Variants in RGPD1 observed in about 807,000 individuals in gnomAD.
The protein encoded by RGPD1 is RANBP2-like and GRIP domain-containing protein 1.
A neutral mutation model predicts 40.6 loss-of-function variants in RGPD1; 7 were observed. The ratio of observed to expected loss-of-function variants is 0.17; its 90% confidence interval spans 0.10 to 0.32. The LOEUF (loss-of-function observed/expected upper bound fraction) is 0.32, where lower values mean the gene tolerates loss of function less well. Ranked by LOEUF, RGPD1 falls within the 10% of genes least tolerant of loss-of-function variation. The probability of loss-of-function intolerance (pLI) is 1.00; values close to 1 mark genes in which losing one functional copy is unlikely to be tolerated. For missense variants in RGPD1, 50 were observed against 472.5 expected (o/e 0.11, Z 8.29); for synonymous variants, 24 against 167.0 (o/e 0.14, Z 6.60).
upstream of RGPD1, among the ~76,000 whole-genome samples, chr2:86,942,066 C>T (rs369465280): frequency 2.2e-4 from 33 of 150,532 alleles, no homozygotes; most frequent in Admixed American, 6.6e-5. Context: ...GAGTGCAGCT[C>T]GAGCGCCGAC....
chr2:86,941,651 TAG>T (rs1679759094), upstream of RGPD1, among the ~76,000 whole-genome samples: 1 of 151,586 alleles, frequency 6.6e-6, no homozygotes, highest in Non-Finnish European at 1.5e-5. Context: ...GGCCTGCATA[TAG>T]AGAGGTCTGA....
chr2:86,923,831 CTCT>C (rs1195497360), intron 1 of RGPD1, among the ~76,000 whole-genome samples: 12 of 71,738 alleles, frequency 1.7e-4, no homozygotes, highest in African/African-American at 3.9e-4. Flanking sequence ...CAGCTTTATT[CTCT>C]TCTTCTAGCA....
intron 6 of RGPD1, among the ~76,000 whole-genome samples, chr2:86,960,884 C>T (rs1157852760): frequency 7.5e-5 from 2 of 26,522 alleles, no homozygotes; most frequent in Admixed American, 3.1e-4. Context: ...CCACCGCGCC[C>T]GGCTGGTCTC....
intron 1 of RGPD1, among the ~76,000 whole-genome samples, chr2:86,926,457 G>A (rs1678514270): frequency 6.6e-6 from 1 of 151,358 alleles, no homozygotes; most frequent in African/African-American, 2.4e-5. Context: ...GAGTCTCAAA[G>A]AGTCTTTAAT....
chr2:86,945,231 T>TA (rs1680258877), intron 1 of RGPD1, among the ~76,000 whole-genome samples: 1 of 151,896 alleles, frequency 6.6e-6, no homozygotes, highest in Non-Finnish European at 1.5e-5. Context: ...CTCTTACACT[T>TA]AGAGTCTTTT....
chr2:86,943,650 A>T (rs549176734), intron 1 of RGPD1, among the ~76,000 whole-genome samples: 1 of 152,188 alleles, frequency 6.6e-6, no homozygotes, highest in Non-Finnish European at 1.5e-5. Flanking sequence ...CATTTTAAAC[A>T]TTTAGGGTAT....
In RGPD1 at chr2:86,918,378, C is replaced by T. The variant is rs1424212402; in HGVS notation, c.72+4457C>T. 2.7e-5 allele frequency among the ~76,000 whole-genome samples: 4 copies of T among 148,270 alleles called. 1 individual carries two copies. Among genetic ancestry groups the T allele is most frequent in the Admixed American group, 6.7e-5 (1 of 14,834 alleles). ...CCTGGGTCACTCTGAAAAAAAATCA[C>T]TCTAGACTATAATTACCCCTTTTCC... is the stretch of plus-strand genomic sequence containing the variant. On this transcript the variant is annotated intron_variant, in intron 1 of 22. Transcript: ENST00000398193.
intron 1 of RGPD1, among the ~76,000 whole-genome samples, chr2:86,914,295 C>CCTCGGCCTCGGCCTTGGCCTCGGCCG (rs1677633814): frequency 2.1e-5 from 1 of 47,092 alleles, no homozygotes; most frequent in Non-Finnish European, 3.7e-5. Context: ...GCGGCGGCGG[C>CCTCGGCCTCGGCCTTGGCCTCGGCCG]GGCGGCGGCG....
At position 86,923,033 on chromosome 2, in the gene RGPD1, CTTTTTTTTTTT is replaced by C. The variant is rs1196456916; in HGVS notation, c.72+9124_72+9134del. ...TCGTATCAGGTTCCATGGTATATTC[CTTTTTTTTTTT>C]TTTTTTTTTTTGAGACGGAGTATCG... On this transcript the variant is annotated intron_variant, in intron 1 of 22. Transcript: ENST00000398193. Among the ~76,000 whole-genome samples, 158 of 54,498 alleles carry C rather than the reference CTTTTTTTTTTT, an allele frequency of 2.9e-3. 1 individual carries two copies. The highest frequency in any genetic ancestry group is 9.6e-3 in the African/African-American group (116 of 12,124). 35.8% of individuals were successfully genotyped at this position (54,498 alleles called of 152,430 possible). A position where few individuals can be genotyped will look rare whatever the true frequency, so the allele number is the denominator to read the frequency against.
rs1309658757 is a variant in RGPD1, at chr2:86,913,958, G to T, written c.72+37G>T. ...TCGAAGAGACCGACGGCCTCGACCTGGCGGGGCGGTGGCCTCGACCTGGCC... is the reference window on the plus strand; with the variant it reads ...TCGAAGAGACCGACGGCCTCGACCTTGCGGGGCGGTGGCCTCGACCTGGCC... On this transcript the variant is annotated intron_variant, in intron 1 of 22. Coordinates refer to the RGPD1 transcript ENST00000398193. 8.8e-6 allele frequency: 11 copies of T among 1,249,328 alleles called. 3 individuals are homozygous for T. Among genetic ancestry groups the T allele is most frequent in the Non-Finnish European group, 1.2e-5 (11 of 950,558 alleles). 77.4% of individuals were successfully genotyped at this position (1,249,328 alleles called of 1,614,324 possible).
chr2:86,944,625 C>T (rs1219627044), intron 1 of RGPD1, among the ~76,000 whole-genome samples: 1 of 152,124 alleles, frequency 6.6e-6, no homozygotes, highest in Non-Finnish European at 1.5e-5. Context: ...GTTGCCCAGG[C>T]TGTTCTTGAA....
At chr2:86,914,200 G>T (rs1325438345) in intron 1 of RGPD1, among the ~76,000 whole-genome samples, 1 of 66,934 alleles carries the variant, frequency 1.5e-5, no homozygotes, top group African/African-American at 5.1e-5. Context: ...GGCGGCCTCG[G>T]CCTGGCCGGG....
chr2:86,919,932 A>G (rs1678020665), intron 1 of RGPD1, among the ~76,000 whole-genome samples: 1 of 147,900 alleles, frequency 6.8e-6, no homozygotes, highest in African/African-American at 2.5e-5. Flanking sequence ...CTCAGTGAAC[A>G]TTTGTTGAGT....
At chr2:86,931,992 T>A (rs1373046953) in intron 1 of RGPD1, among the ~76,000 whole-genome samples, 3 of 148,586 alleles carry the variant, frequency 2.0e-5, no homozygotes, top group African/African-American at 7.3e-5. Context: ...TCATATTATA[T>A]ATATATGTCT....
intron 1 of RGPD1, among the ~76,000 whole-genome samples, chr2:86,942,810 G>T (rs950830620): frequency 6.6e-6 from 1 of 151,846 alleles, no homozygotes; most frequent in South Asian, 2.1e-4. Context: ...TCCTGTGGGC[G>T]GCGTGGCGCT....
At chr2:86,984,634 A>G in intron 18 of RGPD1, 120 bp from the exon 19 acceptor site, 5 of 15,246 alleles carry the variant, frequency 3.3e-4, no homozygotes, top group Non-Finnish European at 4.6e-4. Context: ...TTTAAAATTT[A>G]TGTAGTTAAA....
chr2:86,942,102 G>A (rs1230165677), upstream of RGPD1: 128 of 1,238,664 alleles, frequency 1.0e-4, no homozygotes, highest in Admixed American at 2.4e-4. Context: ...CAGTGCTGAC[G>A]CAGTACACAA....
chr2:86,947,771 C>T (rs1402372269), intron 1 of RGPD1, among the ~76,000 whole-genome samples: 1 of 138,134 alleles, frequency 7.2e-6, no homozygotes, highest in Non-Finnish European at 1.6e-5. Flanking sequence ...GACTTTTCCT[C>T]ATTGTCCTGT....
chr2:86,927,376 T>C (rs1678588307), intron 1 of RGPD1, among the ~76,000 whole-genome samples: 1 of 147,908 alleles, frequency 6.8e-6, no homozygotes, highest in South Asian at 2.2e-4. Flanking sequence ...ACTCTTTTTT[T>C]CCCCCAACCT....
Sources: gnomAD v4.1 joint callset for allele counts (sites outside exome capture counted in the v4.1 genomes callset) on GRCh38, gnomAD v4.1.1 for gene constraint, MANE v1.5 for transcripts, NCBI Gene and HGNC (gene_info 2026-07-23, HGNC 2026-07-21) for gene names.